ZNF385D: variants seen among roughly 807,000 people sequenced by gnomAD.
ZNF385D encodes the protein zinc finger protein 385D.
ZNF385D carries 15 observed loss-of-function variants against 35.8 expected under a neutral mutation model. That is an observed-to-expected ratio of 0.42 (90% CI 0.28 to 0.64). The LOEUF (loss-of-function observed/expected upper bound fraction) is 0.64. ZNF385D is among the 30% of genes least tolerant of loss of function. ZNF385D has a pLI of 0.23. For missense variants in ZNF385D, 474 were observed against 494.6 expected, an observed-to-expected ratio of 0.96 and a Z score of 0.39; for synonymous variants, 212 against 186.8, an observed-to-expected ratio of 1.13 and a Z score of -1.10.
chr3:22,219,531 C>T (rs942776679), intron 2 of ZNF385D, among the ~76,000 whole-genome samples: 7 of 152,076 alleles, frequency 4.6e-5, no homozygotes, highest in Non-Finnish European at 8.8e-5. Context: ...GACTGTCTGA[C>T]ATCTTATTAA....
chr3:21,766,132 T>A (rs925502382), intron 3 of ZNF385D, among the ~76,000 whole-genome samples: 1 of 152,084 alleles, frequency 6.6e-6, no homozygotes, highest in African/African-American at 2.4e-5. Context: ...TAATAGTAGT[T>A]ATGGGATTGA....
At chr3:21,436,834 T>G (rs1337813589) in intron 5 of ZNF385D, 136 bp downstream of exon 5, 1 of 864,414 alleles carries the variant, frequency 1.2e-6, no homozygotes, top group African/African-American at 1.7e-5. Context: ...TTTTTATTTT[T>G]TAATGGTTAA....
At chr3:21,457,389 T>C (rs1702891584) in intron 4 of ZNF385D, among the ~76,000 whole-genome samples, 1 of 152,046 alleles carries the variant, frequency 6.6e-6, no homozygotes, top group Non-Finnish European at 1.5e-5. Context: ...TGAGTCTCGT[T>C]CTGTCACCTA....
chr3:21,823,373 C>T (rs1385312182), intron 3 of ZNF385D, among the ~76,000 whole-genome samples: 2 of 152,130 alleles, frequency 1.3e-5, no homozygotes, highest in Admixed American at 6.5e-5. Context: ...ATCCTAAACA[C>T]TGATTTACTG....
At chr3:22,094,833 G>A (rs1045104036) in intron 3 of ZNF385D, among the ~76,000 whole-genome samples, 6 of 152,056 alleles carry the variant, frequency 3.9e-5, no homozygotes, top group Non-Finnish European at 7.4e-5. Context: ...ACAGCTGAGT[G>A]GAAAATGTTT....
chr3:21,569,020 GA>G lies in ZNF385D; in HGVS notation c.166-4337del, dbSNP rs529145037. 2.6e-5 allele frequency among the ~76,000 whole-genome samples: 4 copies of G among 152,090 alleles called. No homozygotes were observed. In the East Asian group the frequency reaches 7.7e-4, roughly 29 times the overall value. On this transcript the variant is annotated intron_variant, in intron 2 of 7. Transcript: ENST00000281523. ...TTCAGAATAGGTGTGGTATGGTGCT[GA>G]AAAAAATGTATATTCTGTTGATTTG... is the stretch of plus-strand genomic sequence containing the variant.
chr3:22,289,435 G>A (rs1702186221), intron 2 of ZNF385D, among the ~76,000 whole-genome samples: 1 of 152,136 alleles, frequency 6.6e-6, no homozygotes, highest in Non-Finnish European at 1.5e-5. Context: ...GGTTCAAGAA[G>A]TAACCAAAAT....
chr3:21,798,704 C>T (rs1163859669), intron 3 of ZNF385D, among the ~76,000 whole-genome samples: 1 of 152,032 alleles, frequency 6.6e-6, no homozygotes, highest in African/African-American at 2.4e-5. Context: ...CACAGGTATC[C>T]CAGCCACTCA....
At chr3:22,222,481 C>CAT (rs1272778627) in intron 2 of ZNF385D, among the ~76,000 whole-genome samples, 1 of 152,148 alleles carries the variant, frequency 6.6e-6, no homozygotes, top group Admixed American at 6.6e-5. Flanking sequence ...GTCATTTCTT[C>CAT]ATATATCTAC....
chr3:21,669,767 G>A (rs1559504477), intron 1 of ZNF385D, among the ~76,000 whole-genome samples: 2 of 152,102 alleles, frequency 1.3e-5, no homozygotes, highest in Non-Finnish European at 1.5e-5. Flanking sequence ...AGCTACTTAG[G>A]CTTTCTGAAA....
At chr3:21,657,849 T>G (rs1159282273) in intron 2 of ZNF385D, among the ~76,000 whole-genome samples, 1 of 151,984 alleles carries the variant, frequency 6.6e-6, no homozygotes, top group African/African-American at 2.4e-5. Context: ...AACCACTGTT[T>G]CTATCACTGG....
intron 3 of ZNF385D, among the ~76,000 whole-genome samples, chr3:21,993,252 T>C (rs971622725): frequency 1.3e-5 from 2 of 152,194 alleles, no homozygotes; most frequent in African/African-American, 4.8e-5. Context: ...CTTAACAGAA[T>C]GTTACAAAAC....
intron 3 of ZNF385D, among the ~76,000 whole-genome samples, chr3:21,952,131 T>A (rs1024538925): frequency 6.7e-6 from 1 of 148,682 alleles, no homozygotes; most frequent in African/African-American, 2.6e-5. Context: ...AATTGTTATA[T>A]GTGATGTAAA....
chr3:21,577,691 A>G (rs566505978), intron 2 of ZNF385D, among the ~76,000 whole-genome samples: 1 of 152,054 alleles, frequency 6.6e-6, no homozygotes, highest in African/African-American at 2.4e-5. Context: ...TTGTCTTATT[A>G]TCATAGCCAT....
chr3:21,829,365 T>C (rs1694845350), intron 3 of ZNF385D, among the ~76,000 whole-genome samples: 1 of 152,006 alleles, frequency 6.6e-6, no homozygotes, highest in African/African-American at 2.4e-5. Flanking sequence ...AGGGAAGGGA[T>C]CAGCAAGTGC....
chr3:21,739,559 T>G (rs1289839055), intron 1 of ZNF385D, among the ~76,000 whole-genome samples: 5 of 152,168 alleles, frequency 3.3e-5, no homozygotes, highest in Admixed American at 1.3e-4. Context: ...GGTAAAGTCT[T>G]AGCCAGGCAT....
intron 3 of ZNF385D, among the ~76,000 whole-genome samples, chr3:21,528,561 G>A (rs1260480852): frequency 6.6e-6 from 1 of 152,116 alleles, no homozygotes; most frequent in Admixed American, 6.5e-5. Context: ...ACAATATGAT[G>A]GAAGGTACTG....
In ZNF385D at chr3:21,758,905, A is replaced by G. The variant is rs1056118656; in HGVS notation, c.326-93877T>C. Among the ~76,000 whole-genome samples the G allele has an allele frequency of 2.2e-5, 3 of 136,940 alleles. No homozygotes were observed. The South Asian group carries it at 7.4e-4, about 34-fold the overall frequency. 89.8% of individuals were successfully genotyped at this position (136,940 alleles called of 152,430 possible). Reference sequence around the variant, plus strand: ...ATGGACACCATGTCATAACTTTGGTAGTCCCAGACCACCTAGTATGGTGCC... The same window carrying G: ...ATGGACACCATGTCATAACTTTGGTGGTCCCAGACCACCTAGTATGGTGCC... On this transcript the variant is annotated intron_variant, in intron 3 of 5. Coordinates refer to the ZNF385D transcript ENST00000494108.
At chr3:22,290,518 G>A (rs1702247148) in intron 2 of ZNF385D, among the ~76,000 whole-genome samples, 1 of 152,184 alleles carries the variant, frequency 6.6e-6, no homozygotes, top group Admixed American at 6.6e-5. Context: ...TTTCTGGCAA[G>A]GTAAACTGTT....
Sources: allele counts gnomAD v4.1 joint callset (sites outside exome capture counted in the v4.1 genomes callset), GRCh38; gene constraint gnomAD v4.1.1; transcripts MANE v1.5; gene names NCBI Gene and HGNC (gene_info 2026-07-23, HGNC 2026-07-21).